Variants in PPP3CA observed in about 807,000 individuals in gnomAD.
PPP3CA encodes protein phosphatase 3 catalytic subunit alpha, also known as CAM-PRP catalytic subunit.
A neutral mutation model predicts 66.5 loss-of-function variants in PPP3CA; 14 were observed. That is an observed-to-expected ratio of 0.21 (90% CI 0.14 to 0.33). The LOEUF is 0.33. PPP3CA is among the 10% of genes least tolerant of loss of function. The pLI is 1.00. For synonymous variants in PPP3CA, 232 were observed against 226.2 expected, an observed-to-expected ratio of 1.03 and a Z score of -0.23; for missense variants, 317 against 639.5, an observed-to-expected ratio of 0.50 and a Z score of 5.44.
chr4:101,246,192 G>T (rs571919828), intron 1 of PPP3CA, among the ~76,000 whole-genome samples: 1 of 152,132 alleles, frequency 6.6e-6, no homozygotes, highest in Non-Finnish European at 1.5e-5. Flanking sequence ...GCAGCAAAAG[G>T]TGCATGTAGT....
intron 1 of PPP3CA, among the ~76,000 whole-genome samples, chr4:101,261,693 T>C (rs1003914296): frequency 3.3e-5 from 5 of 152,084 alleles, no homozygotes; most frequent in Admixed American, 6.6e-5. Context: ...TTGCAAAGCA[T>C]TACCAGAAAT....
chr4:101,258,868 A>T (rs1384345452), intron 1 of PPP3CA, among the ~76,000 whole-genome samples: 1 of 152,140 alleles, frequency 6.6e-6, no homozygotes, highest in East Asian at 1.9e-4. Context: ...GAAGCCCAAC[A>T]AACCACACTC....
intron 1 of PPP3CA, among the ~76,000 whole-genome samples, chr4:101,239,786 A>G (rs1329197958): frequency 6.6e-6 from 1 of 151,998 alleles, no homozygotes; most frequent in Non-Finnish European, 1.5e-5. Context: ...ACTGGCTAAA[A>G]CTGCCTCATC....
rs1560622202 is a variant in PPP3CA at position 101,138,588 on chromosome 4, TC to T, written c.260-29511del. Among the ~76,000 whole-genome samples the T allele has an allele frequency of 2.0e-5, 3 of 152,310 alleles. No individual in the cohort carries two copies. In the South Asian group the frequency reaches 6.2e-4, roughly 32 times the overall value. On this transcript the variant is annotated intron_variant, in intron 2 of 13. Transcript: ENST00000394854. Reference sequence around the variant, plus strand: ...TCCAAAAATCTAAAATCTTAAATATTCCAATGAGCATTTCCTTGGAGTGTCA... The same window carrying T: ...TCCAAAAATCTAAAATCTTAAATATTCAATGAGCATTTCCTTGGAGTGTCA...
chr4:101,274,482 G>T (rs1727430082), intron 1 of PPP3CA, among the ~76,000 whole-genome samples: 1 of 152,080 alleles, frequency 6.6e-6, no homozygotes, highest in Admixed American at 6.5e-5. Context: ...TCAGATAAAA[G>T]ATCTGTGAAT....
At chr4:101,262,850 A>G (rs2850970) in intron 1 of PPP3CA, among the ~76,000 whole-genome samples, 1 of 152,132 alleles carries the variant, frequency 6.6e-6, no homozygotes, top group East Asian at 1.9e-4. Context: ...TAAGAAGAAA[A>G]TTTGTATTAA....
intron 1 of PPP3CA, among the ~76,000 whole-genome samples, chr4:101,323,307 G>A (rs1729098984): frequency 6.6e-6 from 1 of 152,140 alleles, no homozygotes; most frequent in African/African-American, 2.4e-5. Context: ...ACTCAACTGT[G>A]CTACTATAGG....
At chr4:101,239,299 C>G (rs1012414912) in intron 1 of PPP3CA, among the ~76,000 whole-genome samples, 2 of 152,042 alleles carry the variant, frequency 1.3e-5, no homozygotes, top group Non-Finnish European at 2.9e-5. Context: ...AATCTTATTC[C>G]AAAAGCACTA....
At chr4:101,030,335 A>T (rs1438023780) in intron 12 of PPP3CA, among the ~76,000 whole-genome samples, 1 of 152,150 alleles carries the variant, frequency 6.6e-6, no homozygotes, top group Non-Finnish European at 1.5e-5. Flanking sequence ...TGGATTCGAG[A>T]TTCCTTATGA....
At chr4:101,240,048 C>CGGGGGGGGGG (rs34664327) in intron 1 of PPP3CA, among the ~76,000 whole-genome samples, 1 of 135,854 alleles carries the variant, frequency 7.4e-6, no homozygotes, top group African/African-American at 2.9e-5. Context: ...TTGGGGGGAG[C>CGGGGGGGGGG]GGGGGGGAGG....
At chr4:101,234,260 G>GT (rs1254548050) in intron 1 of PPP3CA, among the ~76,000 whole-genome samples, 1 of 151,748 alleles carries the variant, frequency 6.6e-6, no homozygotes, top group African/African-American at 2.4e-5. Flanking sequence ...GGTATATACA[G>GT]TAATAGGATT....
intron 10 of PPP3CA, among the ~76,000 whole-genome samples, chr4:101,044,302 A>G (rs1727667266): frequency 6.6e-6 from 1 of 152,216 alleles, no homozygotes; most frequent in South Asian, 2.1e-4. Context: ...TCCATAATTA[A>G]ACAGAAAGAT....
At chr4:101,280,837 C>G (rs1416748652) in intron 1 of PPP3CA, among the ~76,000 whole-genome samples, 2 of 132,240 alleles carry the variant, frequency 1.5e-5, no homozygotes, top group Non-Finnish European at 3.1e-5. Flanking sequence ...AAAAAAAAAA[C>G]TGGAAACCAT....
chr4:101,237,051 G>T (rs1726153522), intron 1 of PPP3CA, among the ~76,000 whole-genome samples: 1 of 148,766 alleles, frequency 6.7e-6, no homozygotes, highest in Non-Finnish European at 1.5e-5. Flanking sequence ...TTCATATAAA[G>T]CACTTGGCAA....
intron 1 of PPP3CA, among the ~76,000 whole-genome samples, chr4:101,311,091 G>C (rs868815679): frequency 2.6e-5 from 4 of 151,986 alleles, no homozygotes; most frequent in African/African-American, 4.8e-5. Context: ...TTCACTTCAG[G>C]GTTTCTTATT....
Position 101,310,143 on chromosome 4 carries a change from TC to T in PPP3CA, c.58+36595del, listed in dbSNP as rs199841607. ...AAAGAAAAGCTTCCCATAATTAACT[TC>T]CTGTTTTTCTACCTTTCACTGCCAA... On this transcript the variant is annotated intron_variant, in intron 1 of 13. Transcript: ENST00000394854. Among the ~76,000 whole-genome samples, 681 of 152,328 alleles carry T rather than the reference TC, an allele frequency of 4.5e-3. 3 individuals carry two copies. The highest frequency in any genetic ancestry group is 0.016 in the African/African-American group (647 of 41,570).
In PPP3CA at chr4:101,285,819, C is replaced by T. The variant is rs72921877; in HGVS notation, c.58+60920G>A. On this transcript the variant is annotated intron_variant, in intron 1 of 13. Coordinates refer to ENST00000394854, the MANE Select transcript of PPP3CA (RefSeq NM_000944.5). Reference sequence around the variant, plus strand: ...ATACTAGTGTGAATCACCACAAAGCCGGTCCAGGGAACACAGACCAAGACT... The same window carrying T: ...ATACTAGTGTGAATCACCACAAAGCTGGTCCAGGGAACACAGACCAAGACT... Among the ~76,000 whole-genome samples the T allele has an allele frequency of 9.4e-3, 1,426 of 152,170 alleles. 27 individuals carry two copies. The highest frequency in any genetic ancestry group is 0.031 in the African/African-American group (1,286 of 41,508).
At chr4:101,259,345 A>G (rs1726942029) in intron 1 of PPP3CA, among the ~76,000 whole-genome samples, 1 of 97,414 alleles carries the variant, frequency 1.0e-5, no homozygotes, top group Non-Finnish European at 2.6e-5. Flanking sequence ...GCAATCATTC[A>G]TTCATTCAGC....
At chr4:101,078,701 T>C (rs1383938844) in intron 8 of PPP3CA, among the ~76,000 whole-genome samples, 2 of 152,220 alleles carry the variant, frequency 1.3e-5, no homozygotes, top group South Asian at 4.1e-4. Flanking sequence ...TCATAGGTTC[T>C]TCACAGCTAT....
Sources: allele counts gnomAD v4.1 joint callset (sites outside exome capture counted in the v4.1 genomes callset), GRCh38; gene constraint gnomAD v4.1.1; transcripts MANE v1.5; gene names NCBI Gene and HGNC (gene_info 2026-07-23, HGNC 2026-07-21).